The following NFIA variants were observed in gnomAD, a reference collection of about 807,000 sequenced individuals.
NFIA encodes nuclear factor 1 A-type.
Under a neutral mutation model 62.8 loss-of-function variants are expected in NFIA, and 8 were observed. The observed-to-expected ratio is 0.13, with a 90% CI of 0.07 to 0.23. The LOEUF (loss-of-function observed/expected upper bound fraction) is 0.23. NFIA is among the 10% of genes least tolerant of loss of function. The pLI, the probability that NFIA is intolerant of heterozygous loss-of-function variation, is 1.00. For synonymous variants in NFIA, 235 were observed against 238.1 expected (o/e 0.99, Z 0.12); for missense variants, 410 against 642.1 (o/e 0.64, Z 3.91).
intron 2 of NFIA, among the ~76,000 whole-genome samples, chr1:61,182,763 GGTTCAGCCAAAAA>G (rs1570329451): frequency 1.3e-5 from 2 of 152,084 alleles, no homozygotes; most frequent in East Asian, 3.9e-4. Context: ...ATAGCTTTTT[GGTTCAGCCAAAAA>G]GAGACATTTC....
chr1:61,418,897 C>G (rs912149595), intron 9 of NFIA, among the ~76,000 whole-genome samples: 1 of 152,138 alleles, frequency 6.6e-6, no homozygotes, highest in Non-Finnish European at 1.5e-5. Context: ...TTAGCAAACT[C>G]CAGCTGAATC....
chr1:61,081,426 G>A (rs1338302463), upstream of NFIA, among the ~76,000 whole-genome samples: 3 of 152,140 alleles, frequency 2.0e-5, no homozygotes. Context: ...ATTCTTAAAA[G>A]GCACCCTTCC....
intron 10 of NFIA, among the ~76,000 whole-genome samples, chr1:61,438,998 GACACACACACACACACAC>G (rs3076170): frequency 1.4e-5 from 2 of 141,878 alleles, no homozygotes; most frequent in South Asian, 2.4e-4. Context: ...CATGCATGCA[GACACACACACACACACAC>G]ACACACACAC....
At chr1:61,203,692 A>T (rs1652690451) in intron 2 of NFIA, among the ~76,000 whole-genome samples, 1 of 152,164 alleles carries the variant, frequency 6.6e-6, no homozygotes, top group Non-Finnish European at 1.5e-5. Flanking sequence ...GTTTGTGTGT[A>T]AGGAGGTCTC....
At position 61,090,848 on chromosome 1, in the gene NFIA, T is replaced by C. The variant is rs1035958340; in HGVS notation, c.559+2168T>C. On this transcript the variant is annotated intron_variant, in intron 2 of 10. Transcript: ENST00000403491. ...AACAGGAAGACTGTAAAAGAAAATA[T>C]TAAGGGTCTTTTGTCTGAAAATATT... is the stretch of plus-strand genomic sequence containing the variant. 4.6e-5 allele frequency among the ~76,000 whole-genome samples: 7 copies of C among 152,194 alleles called. No homozygotes were observed. The East Asian group carries it at 1.2e-3, about 25-fold the overall frequency.
At chr1:61,133,397 A>T (rs1647116779) in intron 2 of NFIA, among the ~76,000 whole-genome samples, 1 of 152,150 alleles carries the variant, frequency 6.6e-6, no homozygotes. Context: ...AAAGCCATAT[A>T]TATTAAACTA....
chr1:61,137,486 G>C (rs4915730), intron 2 of NFIA, among the ~76,000 whole-genome samples: 11,597 of 152,120 alleles, frequency 0.076, 438 homozygotes, highest in East Asian at 0.098. Flanking sequence ...TAAATTACGG[G>C]GATATGTAAT....
chr1:61,398,435 A>T (rs553374197), intron 7 of NFIA, among the ~76,000 whole-genome samples: 8 of 152,188 alleles, frequency 5.3e-5, no homozygotes, highest in Non-Finnish European at 1.0e-4. Context: ...TTGATCTCTT[A>T]GAAAATCCCC....
chr1:61,100,314 G>T (rs139826577), intron 2 of NFIA, among the ~76,000 whole-genome samples: 1 of 152,236 alleles, frequency 6.6e-6, no homozygotes, highest in East Asian at 1.9e-4. Context: ...TGCTCTTTGG[G>T]TGGTGGTGGC....
At chr1:61,334,591 A>C (rs1251559421) in intron 4 of NFIA, among the ~76,000 whole-genome samples, 3,677 of 91,172 alleles carry the variant, frequency 0.04, 435 homozygotes, top group African/African-American at 0.13. Context: ...ATATATATAT[A>C]TATATATATA....
intron 2 of NFIA, among the ~76,000 whole-genome samples, chr1:61,211,627 C>A (rs1653263148): frequency 6.6e-6 from 1 of 152,178 alleles, no homozygotes; most frequent in African/African-American, 2.4e-5. Flanking sequence ...AAATATTACA[C>A]CCAATTAAAC....
At chr1:61,229,386 A>G (rs908308144) in intron 2 of NFIA, among the ~76,000 whole-genome samples, 1 of 152,098 alleles carries the variant, frequency 6.6e-6, no homozygotes. Flanking sequence ...AGTGCAGTGA[A>G]TTTTTCATCC....
At chr1:61,175,398 T>TC (rs1487961771) in intron 2 of NFIA, among the ~76,000 whole-genome samples, 1 of 152,352 alleles carries the variant, frequency 6.6e-6, no homozygotes, top group African/African-American at 2.4e-5. Context: ...TGCCTTGGCT[T>TC]CCCAAAGTGC....
At chr1:61,231,326 A>G (rs1447248786) in intron 2 of NFIA, among the ~76,000 whole-genome samples, 1 of 152,186 alleles carries the variant, frequency 6.6e-6, no homozygotes, top group Non-Finnish European at 1.5e-5. Context: ...AAGTTTGACC[A>G]ATGTTTAATG....
intron 3 of NFIA, among the ~76,000 whole-genome samples, chr1:61,293,777 C>G (rs898218366): frequency 6.6e-6 from 1 of 152,170 alleles, no homozygotes; most frequent in African/African-American, 2.4e-5. Flanking sequence ...TTTGCATTTG[C>G]ATTTATAGAA....
At chr1:61,198,481 A>G (rs1652189944) in intron 2 of NFIA, among the ~76,000 whole-genome samples, 1 of 152,194 alleles carries the variant, frequency 6.6e-6, no homozygotes, top group Non-Finnish European at 1.5e-5. Context: ...TGAAAGTACT[A>G]GGGTCTTTGA....
chr1:61,249,393 A>G (rs952034290), intron 2 of NFIA, among the ~76,000 whole-genome samples: 7 of 152,262 alleles, frequency 4.6e-5, no homozygotes, highest in African/African-American at 1.4e-4. Context: ...AAAATAATTC[A>G]GCCAACACGT....
At chr1:61,373,362 A>C (rs1406500051) in intron 6 of NFIA, among the ~76,000 whole-genome samples, 1 of 152,154 alleles carries the variant, frequency 6.6e-6, no homozygotes, top group Non-Finnish European at 1.5e-5. Context: ...TTCACAGTTC[A>C]AGCAATTTGA....
Position 61,106,100 on chromosome 1 carries a change from C to CATCCATCTATCTATCT in NFIA, c.559+17423_559+17424insCATCTATCTATCTATC, listed in dbSNP as rs374045804. ...AAAAATCCTCTCTCTCTCTCTCATG[C>CATCCATCTATCTATCT]ATCTATCTATCTATCTATCTATCTA... On this transcript the variant is annotated intron_variant, in intron 2 of 10. Transcript: ENST00000403491. 2.7e-5 allele frequency among the ~76,000 whole-genome samples: 4 copies of CATCCATCTATCTATCT among 149,154 alleles called. No individual in the cohort carries two copies. The East Asian group carries it at 8.0e-4, about 30-fold the overall frequency.
Sources: gnomAD v4.1 joint callset for allele counts (sites outside exome capture counted in the v4.1 genomes callset) on GRCh38, gnomAD v4.1.1 for gene constraint, MANE v1.5 for transcripts, NCBI Gene and HGNC (gene_info 2026-07-23, HGNC 2026-07-21) for gene names.